NALCN: variants seen among roughly 807,000 people sequenced by gnomAD.
The protein encoded by NALCN is sodium leak channel, non-selective.
NALCN carries 111 observed loss-of-function variants against 225.3 expected under a neutral mutation model. The observed-to-expected ratio is 0.49, with a 90% CI of 0.42 to 0.58. The LOEUF is 0.58. Ranked by LOEUF, NALCN falls within the 20% of genes least tolerant of loss-of-function variation. NALCN has a pLI of 0.00. For synonymous variants in NALCN, 764 were observed against 769.0 expected (o/e 0.99, Z 0.11); for missense variants, 1,378 against 2,202.4 (o/e 0.63, Z 7.49).
Position 101,276,078 on chromosome 13 carries a change from A to G in NALCN, c.1134+7855T>C, listed in dbSNP as rs1350559043. On this transcript the variant is annotated intron_variant, in intron 10 of 43. Coordinates refer to ENST00000251127, the MANE Select transcript of NALCN (RefSeq NM_052867.4). The stretch of plus-strand genomic sequence containing the variant: ...ACTCCTTCTCAAAAAAAAAAAAAAA[A>G]AAAAAAAAAAAAAAGGAACAGGCAC... Among the ~76,000 whole-genome samples the G allele has an allele frequency of 6.8e-3, 544 of 79,980 alleles. 4 individuals are homozygous for G. Among genetic ancestry groups the G allele is most frequent in the Middle Eastern group, 0.021 (3 of 144 alleles). 52.5% of individuals were successfully genotyped at this position (79,980 alleles called of 152,430 possible).
chr13:101,399,246 T>C, intron 1 of NALCN, 81 bp from the exon 2 acceptor site: 1 of 898,628 alleles, frequency 1.1e-6, no homozygotes, highest in Admixed American at 2.4e-5. Context: ...TATATCTACT[T>C]ATTTGTAAGG....
chr13:101,086,852 T>C (rs897486205), intron 30 of NALCN, among the ~76,000 whole-genome samples: 14 of 152,166 alleles, frequency 9.2e-5, no homozygotes, highest in Admixed American at 8.5e-4. Flanking sequence ...TTCCCAATAA[T>C]AGTGTTTGTT....
chr13:101,346,081 C>CTATATATA (rs1465953187), intron 6 of NALCN, among the ~76,000 whole-genome samples: 1 of 88,778 alleles, frequency 1.1e-5, no homozygotes, highest in East Asian at 2.7e-4. Flanking sequence ...CTCTCTCTCT[C>CTATATATA]TCTCTCTATA....
At chr13:101,251,123 A>G (rs2042050466) in intron 11 of NALCN, among the ~76,000 whole-genome samples, 1 of 152,106 alleles carries the variant, frequency 6.6e-6, no homozygotes, top group Non-Finnish European at 1.5e-5. Context: ...ACAAATTCAC[A>G]ATTTTAAGTC....
chr13:101,411,627 C>G (rs1260814723), intron 1 of NALCN, among the ~76,000 whole-genome samples: 2 of 152,274 alleles, frequency 1.3e-5, no homozygotes, highest in East Asian at 3.9e-4. Context: ...GGATTACAGG[C>G]GTGAGCCACC....
chr13:101,128,461 T>C (rs1424121544), intron 17 of NALCN, among the ~76,000 whole-genome samples: 1 of 152,246 alleles, frequency 6.6e-6, no homozygotes, highest in South Asian at 2.1e-4. Context: ...TGCTGATTTT[T>C]TGGCGATGTC....
At chr13:101,295,764 G>A (rs2043729109) in intron 7 of NALCN, among the ~76,000 whole-genome samples, 1 of 152,182 alleles carries the variant, frequency 6.6e-6, no homozygotes, top group Non-Finnish European at 1.5e-5. Flanking sequence ...GGGTAGAAAG[G>A]CTGTGAAGAA....
chr13:101,161,476 T>C (rs2038181036), intron 15 of NALCN, among the ~76,000 whole-genome samples: 1 of 152,226 alleles, frequency 6.6e-6, no homozygotes, highest in Admixed American at 6.5e-5. Context: ...ATCCAACCTA[T>C]CACCAAGTCC....
chr13:101,337,046 T>C (rs1341738788), intron 7 of NALCN, among the ~76,000 whole-genome samples: 2 of 152,176 alleles, frequency 1.3e-5, no homozygotes, highest in East Asian at 3.9e-4. Context: ...TTTCTGGCAT[T>C]ATCTCTAATC....
intron 7 of NALCN, among the ~76,000 whole-genome samples, chr13:101,330,045 T>A (rs936296046): frequency 2.0e-5 from 3 of 149,514 alleles, no homozygotes; most frequent in African/African-American, 7.3e-5. Context: ...TCAAAAAAAA[T>A]TATATATAAT....
At chr13:101,183,149 G>A (rs968234663) in intron 14 of NALCN, among the ~76,000 whole-genome samples, 30 of 152,290 alleles carry the variant, frequency 2.0e-4, no homozygotes, top group African/African-American at 6.7e-4. Flanking sequence ...CTGAGGTAAT[G>A]CTCATTAGTA....
intron 11 of NALCN, among the ~76,000 whole-genome samples, chr13:101,252,845 G>A (rs547535621): frequency 2.0e-4 from 30 of 152,210 alleles, no homozygotes; most frequent in African/African-American, 7.0e-4. Context: ...TGCCTTCCTT[G>A]TTGTATCTCT....
At chr13:101,324,370 G>T (rs1189004790) in intron 7 of NALCN, among the ~76,000 whole-genome samples, 1 of 152,134 alleles carries the variant, frequency 6.6e-6, no homozygotes, top group East Asian at 1.9e-4. Flanking sequence ...TGTAACACCA[G>T]AATTTAAAAT....
At chr13:101,414,238 A>C (rs1433812331) in intron 1 of NALCN, among the ~76,000 whole-genome samples, 2 of 152,122 alleles carry the variant, frequency 1.3e-5, no homozygotes, top group African/African-American at 4.8e-5. Context: ...CCACAGCAAA[A>C]CTAGAAAATA....
intron 14 of NALCN, among the ~76,000 whole-genome samples, chr13:101,184,299 A>G (rs963616726): frequency 6.6e-6 from 1 of 152,142 alleles, no homozygotes; most frequent in Non-Finnish European, 1.5e-5. Context: ...TAGGATTTTG[A>G]CCTTTCAGCT....
Position 101,395,336 on chromosome 13 carries a change from G to A in NALCN, c.138C>T (p.Ala46=), listed in dbSNP as rs1415238686. 8.1e-6 allele frequency: 13 copies of A among 1,613,852 alleles called. No individual in the cohort carries two copies. In the Admixed American group the frequency reaches 1.5e-4, roughly 19 times the overall value. Residue 46 remains alanine, a synonymous_variant, in exon 3 of 44, where the codon GCC becomes GCT. Transcript: ENST00000251127. ...TACAAACAGAAATGACGCTGATGAT[G>A]GCACAGATGCGCAGCAAAGAGTGAA... ...PWVHSLLRIC[A]IISVISVCMN...
At chr13:101,395,475 A>C (rs527569443) in intron 2 of NALCN, 110 bp from the exon 3 acceptor site, 1 of 1,003,276 alleles carries the variant, frequency 1.0e-6, no homozygotes, top group South Asian at 1.9e-5. Context: ...ATAGTTTACT[A>C]ATGTGGAGGT....
chr13:101,337,449 C>T (rs534268537), intron 7 of NALCN, among the ~76,000 whole-genome samples: 2 of 152,196 alleles, frequency 1.3e-5, no homozygotes, highest in Admixed American at 1.3e-4. Flanking sequence ...GCTGGGATTA[C>T]TGGCACCCGC....
chr13:101,323,085 C>T, intron 7 of NALCN, among the ~76,000 whole-genome samples: 1 of 152,146 alleles, frequency 6.6e-6, no homozygotes, highest in Admixed American at 6.5e-5. Context: ...AAAATCACTT[C>T]AACAAAATAA....
Sources: allele counts gnomAD v4.1 joint callset (sites outside exome capture counted in the v4.1 genomes callset), GRCh38; gene constraint gnomAD v4.1.1; transcripts MANE v1.5; gene names NCBI Gene and HGNC (gene_info 2026-07-23, HGNC 2026-07-21).